Variants in IKBIP observed in about 807,000 individuals in gnomAD.
The protein encoded by IKBIP is inhibitor of nuclear factor kappa-B kinase-interacting protein.
IKBIP carries 28 observed loss-of-function variants against 31.0 expected under a neutral mutation model. The ratio of observed to expected loss-of-function variants is 0.90; its 90% CI spans 0.67 to 1.24. The LOEUF (loss-of-function observed/expected upper bound fraction) is 1.24, where lower values mean the gene tolerates loss of function less well. Ranked by LOEUF, IKBIP falls within the 50% of genes most tolerant of loss-of-function variation. The pLI, the probability that IKBIP is intolerant of heterozygous loss-of-function variation, is 0.00. For missense variants in IKBIP, 453 were observed against 441.9 expected (o/e 1.03, Z -0.23); for synonymous variants, 164 against 160.3 (o/e 1.02, Z -0.17).
At chr12:98,641,068 C>T (rs775366041) in intron 1 of IKBIP, among the ~76,000 whole-genome samples, 23 of 152,134 alleles carry the variant, frequency 1.5e-4, no homozygotes, top group Non-Finnish European at 2.9e-4. Flanking sequence ...GCCTATCAGG[C>T]CTTTATTTAG....
chr12:98,623,935 C>A (rs993882874), downstream of IKBIP, among the ~76,000 whole-genome samples: 4 of 150,862 alleles, frequency 2.7e-5, no homozygotes, highest in African/African-American at 7.5e-5. Flanking sequence ...AATAGGAAAA[C>A]CTCTTCATAA....
intron 1 of IKBIP, among the ~76,000 whole-genome samples, chr12:98,644,317 C>T (rs943040617): frequency 6.6e-6 from 1 of 152,180 alleles, no homozygotes; most frequent in Non-Finnish European, 1.5e-5. Flanking sequence ...GGGCATGCTA[C>T]CAGCACGGGG....
chr12:98,618,973 C>A (rs866351556), intron 2 of IKBIP, among the ~76,000 whole-genome samples: 27 of 151,978 alleles, frequency 1.8e-4, no homozygotes, highest in Admixed American at 2.6e-4. Context: ...TAAGTAGCAA[C>A]CCCCCCACTT....
chr12:98,637,347 C>T (rs1286838243), intron 1 of IKBIP, among the ~76,000 whole-genome samples: 1 of 152,128 alleles, frequency 6.6e-6, no homozygotes, highest in African/African-American at 2.4e-5. Context: ...TTGTGCCAGA[C>T]ACTATTCTAA....
At chr12:98,634,491 C>A (rs2153299755) in intron 1 of IKBIP, 78 bp from the exon 2 acceptor site, 2 of 694,232 alleles carry the variant, frequency 2.9e-6, no homozygotes, top group Non-Finnish European at 5.0e-6. Context: ...ATTATACCCA[C>A]TTCTGTTAAG....
At chr12:98,640,244 T>A (rs1373874782) in intron 1 of IKBIP, among the ~76,000 whole-genome samples, 2 of 152,090 alleles carry the variant, frequency 1.3e-5, no homozygotes, top group African/African-American at 2.4e-5. Flanking sequence ...TGACACCAGC[T>A]TGACCAATGG....
At chr12:98,640,369 G>A (rs2097629344) in intron 1 of IKBIP, among the ~76,000 whole-genome samples, 1 of 152,132 alleles carries the variant, frequency 6.6e-6, no homozygotes, top group South Asian at 2.1e-4. Flanking sequence ...GGGAGGTGGA[G>A]GTGGAGGTTG....
chr12:98,628,648 T>A (rs1304446429), intron 2 of IKBIP, among the ~76,000 whole-genome samples: 1 of 152,214 alleles, frequency 6.6e-6, no homozygotes, highest in African/African-American at 2.4e-5. Context: ...TAAAAAATTT[T>A]GAGGGTTCAC....
Position 98,644,716 on chromosome 12 carries a change from G to T in IKBIP, c.-15C>A. ...ACCTCAGACATGTCTGGAGACCCTA[G>T]GACGACAAGCCCAGGGCAGCTTCTT... On this transcript the variant is annotated 5_prime_UTR_variant, in exon 1 of 3. Transcript: ENST00000299157. The T allele has an allele frequency of 6.3e-7, 1 of 1,598,460 alleles. No individual in the cohort carries two copies. Among genetic ancestry groups the T allele is most frequent in the African/African-American group, 1.4e-5 (1 of 73,454 alleles).
chr12:98,625,750 GAAGT>G lies in IKBIP; in HGVS notation c.*176_*179del. 1 of 373,484 alleles carries G rather than the reference GAAGT, an allele frequency of 2.7e-6. No homozygotes were observed. The highest frequency in any genetic ancestry group is 4.6e-6 in the Non-Finnish European group (1 of 215,130). The allele number at this position is 373,484 out of a possible 1,614,324, so 23.1% of individuals were successfully genotyped here. A position where few individuals can be genotyped will look rare whatever the true frequency, so the allele number is the denominator to read the frequency against. On this transcript the variant is annotated 3_prime_UTR_variant, in exon 3 of 3. Transcript: ENST00000299157. ...TATTTCTATTTCAAATAGTTACAAT[GAAGT>G]AAGTTTTAGTGCTTAAAAAGATAAG...
intron 1 of IKBIP, among the ~76,000 whole-genome samples, chr12:98,636,484 T>C (rs1439947154): frequency 1.3e-5 from 2 of 152,220 alleles, no homozygotes; most frequent in Non-Finnish European, 2.9e-5. Context: ...CTTGCAAAAG[T>C]GGTAATGCTT....
In IKBIP at chr12:98,626,633, C is replaced by T; in HGVS notation, c.431G>A (p.Arg144Lys). 1.9e-6 allele frequency: 3 copies of T among 1,613,942 alleles called. No homozygotes were observed. Among genetic ancestry groups the T allele is most frequent in the Non-Finnish European group, 2.5e-6 (3 of 1,180,022 alleles). The change falls in exon 3 of 3, where the codon AGG becomes AAG. Residue 144 changes from arginine (R) to lysine (K), a missense_variant. Coordinates refer to ENST00000299157, the MANE Select transcript of IKBIP (RefSeq NM_153687.4). Reference protein sequence around the residue: ...IQNNEEVLTQRMQSLNEKFQN... With the variant: ...IQNNEEVLTQKMQSLNEKFQN... ...AAATTTCTCATTAAGGCTTTGCATC[C>T]TTTGAGTGAGCACCTCTTCATTATT...
rs1360945898 is a variant in IKBIP, at chr12:98,625,710, A to G, written c.*220T>C. On this transcript the variant is annotated 3_prime_UTR_variant, in exon 3 of 3. Transcript: ENST00000299157. ...AGTATCTTGTTTTAAAAGTAGAGAAATATTTTTAAAGAACTATTTCTATTT... is the reference window on the plus strand; with the variant it reads ...AGTATCTTGTTTTAAAAGTAGAGAAGTATTTTTAAAGAACTATTTCTATTT... 3 of 281,790 alleles carry G rather than the reference A, an allele frequency of 1.1e-5. No homozygotes were observed. The highest frequency in any genetic ancestry group is 6.5e-5 in the East Asian group (1 of 15,390). The allele number at this position is 281,790 out of a possible 1,614,324, so 17.5% of individuals were successfully genotyped here. A position where few individuals can be genotyped will look rare whatever the true frequency, so the allele number is the denominator to read the frequency against.
At chr12:98,633,903 T>C (rs2097623412) in intron 2 of IKBIP, among the ~76,000 whole-genome samples, 1 of 152,136 alleles carries the variant, frequency 6.6e-6, no homozygotes, top group Non-Finnish European at 1.5e-5. Flanking sequence ...TCCCAATAAG[T>C]GCTATTCATA....
chr12:98,615,032 A>G (rs894001592), intron 2 of IKBIP, among the ~76,000 whole-genome samples: 1 of 152,230 alleles, frequency 6.6e-6, no homozygotes, highest in Non-Finnish European at 1.5e-5. Context: ...ACAAGGCAAC[A>G]TAAGTTCTTT....
At chr12:98,620,217 G>A (rs948348689), downstream of IKBIP, among the ~76,000 whole-genome samples, 3 of 149,224 alleles carry the variant, frequency 2.0e-5, no homozygotes, top group Admixed American at 1.3e-4. Context: ...CACTGCCCCC[G>A]GCCAGAATAT....
rs1250642474 is a variant in IKBIP, at chr12:98,624,717, C to T, written c.*1213G>A. 14 of 894,862 alleles carry T rather than the reference C, an allele frequency of 1.6e-5. No individual in the cohort carries two copies. The highest frequency in any genetic ancestry group is 5.4e-5 in the African/African-American group (3 of 55,372). The allele number at this position is 894,862 out of a possible 1,614,324, so 55.4% of individuals were successfully genotyped here. A position where few individuals can be genotyped will look rare whatever the true frequency, so the allele number is the denominator to read the frequency against. ...GTGGTTTGGGAAATCTTTAAAATGA[C>T]GTATTTTTAACTATCATAGTTATTA... On this transcript the variant is annotated 3_prime_UTR_variant, in exon 3 of 3. Transcript: ENST00000299157.
rs138499982 is a variant in IKBIP, at chr12:98,626,595, C to A, written c.469G>T (p.Asp157Tyr). The A allele has an allele frequency of 5.5e-4, 884 of 1,613,578 alleles. 6 individuals carry two copies. The African/African-American group carries it at 0.011, about 19-fold the overall frequency. The change falls in exon 3 of 3, where the codon GAT (aspartate) becomes TAT (tyrosine). Residue 157 changes from aspartate to tyrosine, a missense_variant. Physicochemically the swap from Asp to Tyr is radical, Grantham distance 160 (BLOSUM62 -3). Transcript: ENST00000299157. The stretch of plus-strand genomic sequence containing the variant: ...TCTTCTAGGCTTCTCTTCCAGAAAT[C>A]CGTAATATTCTGAAATTTCTCATTA... Reference protein sequence around the residue: ...SLNEKFQNITDFWKRSLEEMN... With the variant: ...SLNEKFQNITYFWKRSLEEMN...
rs2097614444 is a variant in IKBIP, at chr12:98,626,436, G to A, written c.628C>T (p.Leu210=). ...ERLKDLEDST[L]RNIRTVKRQE... is the part of the protein sequence containing the mutation. ...CTTTTTACTGTTCTAATATTTCTTAGTGTGCTATCTTCCAAATCTTTTAGC... is the reference window on the plus strand; with the variant it reads ...CTTTTTACTGTTCTAATATTTCTTAATGTGCTATCTTCCAAATCTTTTAGC... The change falls in exon 3 of 3, where the codon CTA becomes TTA. Residue 210 remains leucine (L), a synonymous_variant. Transcript: ENST00000299157. The A allele has an allele frequency of 6.2e-7, 1 of 1,613,128 alleles. No homozygotes were observed. Among genetic ancestry groups the A allele is most frequent in the Non-Finnish European group, 8.5e-7 (1 of 1,179,978 alleles).
Sources: allele counts gnomAD v4.1 joint callset (sites outside exome capture counted in the v4.1 genomes callset), GRCh38; gene constraint gnomAD v4.1.1; transcripts MANE v1.5; gene names NCBI Gene and HGNC (gene_info 2026-07-23, HGNC 2026-07-21).